The following KCNT2 variants were observed in gnomAD, a reference collection of about 807,000 sequenced individuals.
KCNT2 encodes potassium channel subfamily T member 2.
Under a neutral mutation model 153.8 loss-of-function variants are expected in KCNT2, and 67 were observed. The observed-to-expected ratio is 0.44, with a 90% CI of 0.36 to 0.53. The LOEUF is 0.53. Among genes scored for constraint, KCNT2 ranks in the 20% least tolerant of loss-of-function variants. KCNT2 has a pLI of 0.00. For synonymous variants in KCNT2, 500 were observed against 458.8 expected (o/e 1.09, Z -1.15); for missense variants, 975 against 1,354.8 (o/e 0.72, Z 4.40).
chr1:196,305,601 T>C (rs567468142), intron 21 of KCNT2, among the ~76,000 whole-genome samples: 1 of 152,238 alleles, frequency 6.6e-6, no homozygotes, highest in Admixed American at 6.5e-5. Context: ...ACATTTTCTC[T>C]TTACAATTAT....
Position 196,571,426 on chromosome 1 carries a change from C to T in KCNT2, c.95+36789G>A, listed in dbSNP as rs905665172. Among the ~76,000 whole-genome samples, 8 of 152,034 alleles carry T rather than the reference C, an allele frequency of 5.3e-5. 1 individual carries two copies. Among genetic ancestry groups the T allele is most frequent in the African/African-American group, 1.9e-4 (8 of 41,414 alleles). ...TAATAGCATTGAAATCCAACTGAAA[C>T]AGAGAGCTGAAAGAAATGTGAGAAT... is the stretch of plus-strand genomic sequence containing the variant. On this transcript the variant is annotated intron_variant, in intron 1 of 27. Coordinates refer to ENST00000294725, the MANE Select transcript of KCNT2 (RefSeq NM_198503.5).
chr1:196,260,910 G>T (rs544915476), intron 25 of KCNT2, among the ~76,000 whole-genome samples: 24 of 151,846 alleles, frequency 1.6e-4, no homozygotes, highest in Non-Finnish European at 2.7e-4. Flanking sequence ...TCTGTCAACT[G>T]TAAACTTTCA....
At chr1:196,551,463 C>A (rs1657896292) in intron 1 of KCNT2, among the ~76,000 whole-genome samples, 1 of 151,494 alleles carries the variant, frequency 6.6e-6, no homozygotes, top group African/African-American at 2.4e-5. Context: ...ACTTTGATTA[C>A]TTTGCTATTT....
chr1:196,477,746 C>T (rs747429776), intron 5 of KCNT2, among the ~76,000 whole-genome samples: 4 of 152,182 alleles, frequency 2.6e-5, no homozygotes, highest in Non-Finnish European at 5.9e-5. Context: ...TCTTTTCTAA[C>T]TTCTCTGTCT....
rs866316410 is a variant in KCNT2 at position 196,382,731 on chromosome 1, G to A, written c.1295-9483C>T. 3.9e-5 allele frequency among the ~76,000 whole-genome samples: 6 copies of A among 151,980 alleles called. No homozygotes were observed. The South Asian group carries it at 6.2e-4, about 16-fold the overall frequency. ...AATTTAAGGAAGTTTTCATGTATTGGCTTCCCATATCTCTGTGTATTAGAA... is the reference window on the plus strand; with the variant it reads ...AATTTAAGGAAGTTTTCATGTATTGACTTCCCATATCTCTGTGTATTAGAA... On this transcript the variant is annotated intron_variant, in intron 13 of 27. Transcript: ENST00000294725.
At chr1:196,287,873 C>A (rs746921786) in intron 22 of KCNT2, among the ~76,000 whole-genome samples, 1 of 152,038 alleles carries the variant, frequency 6.6e-6, no homozygotes, top group Admixed American at 6.6e-5. Context: ...TCCTTGTCTG[C>A]AAGAACTTAC....
intron 20 of KCNT2, among the ~76,000 whole-genome samples, chr1:196,318,685 A>G (rs1662979946): frequency 6.6e-6 from 1 of 151,758 alleles, no homozygotes; most frequent in African/African-American, 2.4e-5. Context: ...AATTATATTA[A>G]CATAGAATGG....
At chr1:196,230,250 C>T (rs1268767148) in intron 27 of KCNT2, among the ~76,000 whole-genome samples, 1 of 151,976 alleles carries the variant, frequency 6.6e-6, no homozygotes, top group Non-Finnish European at 1.5e-5. Context: ...TTCTGGAAAT[C>T]CTAGGACACT....
At chr1:196,594,420 C>T (rs1303677364) in intron 1 of KCNT2, among the ~76,000 whole-genome samples, 1 of 151,996 alleles carries the variant, frequency 6.6e-6, no homozygotes, top group Non-Finnish European at 1.5e-5. Flanking sequence ...TAATAATGTA[C>T]ACATATATAT....
chr1:196,441,898 T>C (rs1412657337), intron 8 of KCNT2, among the ~76,000 whole-genome samples: 2 of 151,812 alleles, frequency 1.3e-5, no homozygotes, highest in Non-Finnish European at 2.9e-5. Flanking sequence ...TAATGTAAAA[T>C]GTATTTCCCA....
At chr1:196,593,836 G>C (rs1663718456) in intron 1 of KCNT2, among the ~76,000 whole-genome samples, 1 of 152,048 alleles carries the variant, frequency 6.6e-6, no homozygotes, top group South Asian at 2.1e-4. Flanking sequence ...ACGTTGTTTA[G>C]ATAATGGTCA....
intron 14 of KCNT2, among the ~76,000 whole-genome samples, chr1:196,364,436 T>A (rs1421762681): frequency 6.6e-6 from 1 of 152,146 alleles, no homozygotes; most frequent in Admixed American, 6.6e-5. Flanking sequence ...AATTACAGAA[T>A]CACTTTTTAT....
intron 1 of KCNT2, among the ~76,000 whole-genome samples, chr1:196,575,242 A>AC (rs1398849210): frequency 6.6e-6 from 1 of 152,056 alleles, no homozygotes; most frequent in Non-Finnish European, 1.5e-5. Context: ...TCTCTTAACT[A>AC]CCCCCTTTTA....
At position 196,228,190 on chromosome 1, in the gene KCNT2, C is replaced by A. The variant is rs1653634792; in HGVS notation, c.*34G>T. On this transcript the variant is annotated 3_prime_UTR_variant, in exon 28 of 28. Coordinates refer to ENST00000294725, the MANE Select transcript of KCNT2 (RefSeq NM_198503.5). ...AAACTTTTGTGGTTTCAAGCAAGGTCTTTGTAGGAAAAAAGTTTCTCATTT... is the reference window on the plus strand; with the variant it reads ...AAACTTTTGTGGTTTCAAGCAAGGTATTTGTAGGAAAAAAGTTTCTCATTT... 1 of 1,343,906 alleles carries A rather than the reference C, an allele frequency of 7.4e-7. No individual in the cohort carries two copies. The highest frequency in any genetic ancestry group is 1.4e-5 in the African/African-American group (1 of 69,392). The allele number at this position is 1,343,906 out of a possible 1,614,324, so 83.2% of individuals were successfully genotyped here.
chr1:196,362,475 A>C (rs1330164348), intron 14 of KCNT2, among the ~76,000 whole-genome samples: 1 of 152,098 alleles, frequency 6.6e-6, no homozygotes, highest in Non-Finnish European at 1.5e-5. Context: ...TCAGAGAAAC[A>C]TTGAAGGCTT....
At chr1:196,239,237 A>G (rs1654728642) in intron 26 of KCNT2, among the ~76,000 whole-genome samples, 1 of 151,944 alleles carries the variant, frequency 6.6e-6, no homozygotes, top group Admixed American at 6.6e-5. Flanking sequence ...AAAATACGAC[A>G]TTAGCAAAAT....
intron 14 of KCNT2, among the ~76,000 whole-genome samples, chr1:196,353,095 G>A (rs965730155): frequency 3.3e-5 from 5 of 151,846 alleles, no homozygotes; most frequent in African/African-American, 7.3e-5. Context: ...GGAAACTCAC[G>A]CGCAAGAGTA....
At chr1:196,550,255 C>T (rs1335487652) in intron 1 of KCNT2, among the ~76,000 whole-genome samples, 1 of 151,716 alleles carries the variant, frequency 6.6e-6, no homozygotes, top group African/African-American at 2.4e-5. Flanking sequence ...TGCACTTTCT[C>T]AGCATGAGTG....
At chr1:196,349,853 C>G (rs1467318107) in intron 14 of KCNT2, among the ~76,000 whole-genome samples, 1 of 151,920 alleles carries the variant, frequency 6.6e-6, no homozygotes, top group Non-Finnish European at 1.5e-5. Context: ...GCTATCCCTC[C>G]CCCCTTCCCC....
Sources: allele counts gnomAD v4.1 joint callset (sites outside exome capture counted in the v4.1 genomes callset), GRCh38; gene constraint gnomAD v4.1.1; transcripts MANE v1.5; gene names NCBI Gene and HGNC (gene_info 2026-07-23, HGNC 2026-07-21).